UNC13C: variants seen among roughly 807,000 people sequenced by gnomAD.
UNC13C encodes the protein unc-13 homolog C.
In UNC13C, 174 loss-of-function variants were observed where a neutral mutation model predicts 245.4. The ratio of observed to expected loss-of-function variants is 0.71; its 90% CI spans 0.63 to 0.80. UNC13C has a LOEUF of 0.80. Among genes scored for constraint, UNC13C ranks in the 30% least tolerant of loss-of-function variants. The pLI, the probability that UNC13C is intolerant of heterozygous loss-of-function variation, is 0.00. For missense variants in UNC13C, 2,829 were observed against 2,602.9 expected, an observed-to-expected ratio of 1.09 and a Z score of -1.89; for synonymous variants, 992 against 895.1, an observed-to-expected ratio of 1.11 and a Z score of -1.93.
the UNC13C span, among the ~76,000 whole-genome samples, chr15:53,849,899 G>A: frequency 1.3e-5 from 2 of 152,098 alleles, no homozygotes; most frequent in East Asian, 1.9e-4. Context: ...CAATGAAGAA[G>A]GTGGGCCATG....
chr15:54,614,206 T>G (rs1006308175), intron 30 of UNC13C, among the ~76,000 whole-genome samples: 1 of 152,022 alleles, frequency 6.6e-6, no homozygotes, highest in South Asian at 2.1e-4. Flanking sequence ...GTTAATATTT[T>G]TCTCTCATTA....
At chr15:54,123,235 A>G (rs959474897) in intron 2 of UNC13C, among the ~76,000 whole-genome samples, 1 of 151,846 alleles carries the variant, frequency 6.6e-6, no homozygotes, top group Non-Finnish European at 1.5e-5. Context: ...CTATTCATAT[A>G]TTCTCTTGTA....
intron 8 of UNC13C, among the ~76,000 whole-genome samples, chr15:54,258,294 G>T (rs1256465239): frequency 6.6e-6 from 1 of 152,120 alleles, no homozygotes; most frequent in African/African-American, 2.4e-5. Flanking sequence ...GTCCGCGTGA[G>T]AGTTTTCCAG....
chr15:54,470,353 A>G (rs1892394884), intron 19 of UNC13C, among the ~76,000 whole-genome samples: 1 of 151,282 alleles, frequency 6.6e-6, no homozygotes, highest in African/African-American at 2.4e-5. Context: ...GGTAAAATTC[A>G]GTTGTGATGC....
intron 10 of UNC13C, among the ~76,000 whole-genome samples, chr15:54,283,125 A>G (rs900387828): frequency 6.6e-6 from 1 of 152,334 alleles, no homozygotes; most frequent in South Asian, 2.1e-4. Context: ...ATCCAGTCCA[A>G]GGATTTAACT....
intron 2 of UNC13C, among the ~76,000 whole-genome samples, chr15:54,088,507 A>T (rs571573248): frequency 3.8e-4 from 58 of 152,276 alleles, no homozygotes; most frequent in African/African-American, 1.4e-3. Flanking sequence ...GATCCATAGG[A>T]CATTTCATTG....
At chr15:53,848,597 A>G in the UNC13C span, among the ~76,000 whole-genome samples, 1 of 152,130 alleles carries the variant, frequency 6.6e-6, no homozygotes, top group Admixed American at 6.6e-5. Flanking sequence ...TATATTTGTC[A>G]GATGTTGGAC....
At chr15:54,552,528 AT>A (rs1896819881) in intron 28 of UNC13C, among the ~76,000 whole-genome samples, 4 of 65,706 alleles carry the variant, frequency 6.1e-5, no homozygotes, top group Non-Finnish European at 9.7e-5. Context: ...ATTATATATA[AT>A]AATATAATTA....
rs189600678 is a variant in UNC13C, at chr15:54,020,536, G to A, written c.2983+4650G>A. ...CTGACCTCGTGATCTGCCTGCCTTG[G>A]CCTCCCAAAGTGTTGGGATTACAGG... is the stretch of plus-strand genomic sequence containing the variant. On this transcript the variant is annotated intron_variant, in intron 2 of 32. Coordinates refer to ENST00000260323, the MANE Select transcript of UNC13C (RefSeq NM_001080534.3). 3.7e-4 allele frequency among the ~76,000 whole-genome samples: 55 copies of A among 150,088 alleles called. 1 individual carries two copies. The East Asian group carries it at 4.7e-3, about 13-fold the overall frequency.
intron 4 of UNC13C, among the ~76,000 whole-genome samples, chr15:54,228,948 C>T (rs1435685969): frequency 6.6e-6 from 1 of 152,134 alleles, no homozygotes; most frequent in African/African-American, 2.4e-5. Flanking sequence ...ACCTAGACTG[C>T]CTTTCAAGTT....
At chr15:54,582,820 A>C (rs1898267181) in intron 30 of UNC13C, among the ~76,000 whole-genome samples, 1 of 152,158 alleles carries the variant, frequency 6.6e-6, no homozygotes, top group African/African-American at 2.4e-5. Flanking sequence ...CAGCTGAAAC[A>C]ATTTTAAAAT....
At chr15:53,891,056 A>G in the UNC13C span, among the ~76,000 whole-genome samples, 2 of 152,076 alleles carry the variant, frequency 1.3e-5, no homozygotes, top group South Asian at 4.1e-4. Context: ...AGATTCTGGT[A>G]TGTTGTGTCT....
the UNC13C span, among the ~76,000 whole-genome samples, chr15:53,926,452 A>G: frequency 1.3e-5 from 2 of 152,220 alleles, no homozygotes; most frequent in African/African-American, 4.8e-5. Flanking sequence ...ATATTAAGGC[A>G]TCATGATATC....
At position 54,450,347 on chromosome 15, in the gene UNC13C, C is replaced by T. The variant is rs143471930; in HGVS notation, c.4933+35280C>T. Reference sequence around the variant, plus strand: ...GCACAGGTTTCTGTTGCCTTTTGTTCAGCTATGCCCTGCCCCCAGAGGTGG... The same window carrying T: ...GCACAGGTTTCTGTTGCCTTTTGTTTAGCTATGCCCTGCCCCCAGAGGTGG... On this transcript the variant is annotated intron_variant, in intron 19 of 32. Transcript: ENST00000260323. Among the ~76,000 whole-genome samples the T allele has an allele frequency of 4.8e-3, 725 of 152,350 alleles. 5 individuals are homozygous for T. Among genetic ancestry groups the T allele is most frequent in the African/African-American group, 0.016 (675 of 41,576 alleles).
chr15:54,248,407 A>G (rs1596080022), intron 7 of UNC13C, among the ~76,000 whole-genome samples: 1 of 152,238 alleles, frequency 6.6e-6, no homozygotes, highest in African/African-American at 2.4e-5. Flanking sequence ...TATGCCAAGG[A>G]TTATTTCATT....
chr15:53,852,235 C>A, the UNC13C span, among the ~76,000 whole-genome samples: 1 of 152,178 alleles, frequency 6.6e-6, no homozygotes, highest in Non-Finnish European at 1.5e-5. Flanking sequence ...TAAACCCCCA[C>A]ACATTTGGTC....
chr15:53,976,477 C>T (rs56173463), upstream of UNC13C, among the ~76,000 whole-genome samples: 30,460 of 63,922 alleles, frequency 0.48, 7,917 homozygotes, highest in Admixed American at 0.63. Context: ...CTCTCTCTCT[C>T]TTTTTTTTTT....
chr15:54,456,463 T>A (rs1891532665), intron 19 of UNC13C, among the ~76,000 whole-genome samples: 1 of 152,104 alleles, frequency 6.6e-6, no homozygotes, highest in South Asian at 2.1e-4. Context: ...TTCATAATAT[T>A]GGTCCTACCC....
chr15:54,294,120 G>A, intron 11 of UNC13C, 56 bp downstream of exon 11: 1 of 1,411,000 alleles, frequency 7.1e-7, no homozygotes, highest in Non-Finnish European at 9.3e-7. Flanking sequence ...CTGAATACCT[G>A]TGGCATGTAT....
Sources: allele counts gnomAD v4.1 joint callset (sites outside exome capture counted in the v4.1 genomes callset), GRCh38; gene constraint gnomAD v4.1.1; transcripts MANE v1.5; gene names NCBI Gene and HGNC (gene_info 2026-07-23, HGNC 2026-07-21).